PCDHA13: variants seen among roughly 807,000 people sequenced by gnomAD.
PCDHA13 encodes protocadherin alpha 13, also known as protocadherin alpha-13.
Under a neutral mutation model 64.8 loss-of-function variants are expected in PCDHA13, and 54 were observed. The observed-to-expected ratio is 0.83, with a 90% CI of 0.67 to 1.04. The LOEUF (loss-of-function observed/expected upper bound fraction) is 1.04, where lower values mean the gene tolerates loss of function less well. Ranked by LOEUF, PCDHA13 falls within the 50% of genes least tolerant of loss-of-function variation. The pLI, the probability that PCDHA13 is intolerant of heterozygous loss-of-function variation, is 0.00. For missense variants in PCDHA13, 1,248 were observed against 1,254.3 expected (o/e 0.99, Z 0.08); for synonymous variants, 587 against 564.4 (o/e 1.04, Z -0.57).
chr5:141,011,876 A>G lies in PCDHA13; in HGVS notation c.*1939A>G, dbSNP rs2098422094. ...AATTTTGTTATAATGTACAATTTAG[A>G]AGTTTGATTAATTATATTATCTATT... On this transcript the variant is annotated 3_prime_UTR_variant, in exon 4 of 4. Coordinates refer to ENST00000289272, the MANE Select transcript of PCDHA13 (RefSeq NM_018904.3). 6.5e-6 allele frequency: 1 copy of G among 153,584 alleles called. No individual in the cohort carries two copies. The highest frequency in any genetic ancestry group is 2.4e-5 in the African/African-American group (1 of 41,298). 9.5% of individuals were successfully genotyped at this position (153,584 alleles called of 1,614,324 possible).
chr5:140,885,391 T>G, intron 1 of PCDHA13, among the ~76,000 whole-genome samples: 1 of 152,112 alleles, frequency 6.6e-6, no homozygotes, highest in East Asian at 1.9e-4. Context: ...TCCCTGCAAA[T>G]CTAATGGTTT....
At chr5:140,895,912 A>G (rs1215168324) in intron 1 of PCDHA13, among the ~76,000 whole-genome samples, 1 of 152,146 alleles carries the variant, frequency 6.6e-6, no homozygotes, top group African/African-American at 2.4e-5. Context: ...CCCGGGCTCA[A>G]CAATTATCCT....
At chr5:140,894,554 G>GA (rs1204407145) in intron 1 of PCDHA13, among the ~76,000 whole-genome samples, 2 of 151,600 alleles carry the variant, frequency 1.3e-5, no homozygotes, top group Non-Finnish European at 2.9e-5. Flanking sequence ...GTTTACTTCT[G>GA]AAAAAATTAT....
chr5:140,890,528 C>T (rs1329794711), intron 1 of PCDHA13, among the ~76,000 whole-genome samples: 3 of 152,060 alleles, frequency 2.0e-5, no homozygotes, highest in South Asian at 2.1e-4. Flanking sequence ...CTTTGTTGAT[C>T]TTCTTTTGAA....
rs868916626 is a variant in PCDHA13, at chr5:140,946,629, T to C, written c.2395-32320T>C. 3.4e-3 allele frequency among the ~76,000 whole-genome samples: 415 copies of C among 123,330 alleles called. 16 individuals carry two copies. The highest frequency in any genetic ancestry group is 0.017 in the Middle Eastern group (4 of 240). The allele number at this position is 123,330 out of a possible 152,430, so 80.9% of individuals were successfully genotyped here. On this transcript the variant is annotated intron_variant, in intron 1 of 3. Coordinates refer to ENST00000289272, the MANE Select transcript of PCDHA13 (RefSeq NM_018904.3). ...AATGTGAAATATATATATATATATATATACAATGGAATACTCATCAGCCAT... is the reference window on the plus strand; with the variant it reads ...AATGTGAAATATATATATATATATACATACAATGGAATACTCATCAGCCAT...
chr5:140,893,693 T>G (rs868968555), intron 1 of PCDHA13, among the ~76,000 whole-genome samples: 43 of 152,366 alleles, frequency 2.8e-4, no homozygotes, highest in Middle Eastern at 3.4e-3. Context: ...CATCTCATTC[T>G]ATCCTAGCCT....
chr5:140,950,107 A>G (rs1196740444), intron 1 of PCDHA13, among the ~76,000 whole-genome samples: 1 of 151,920 alleles, frequency 6.6e-6, no homozygotes, highest in Non-Finnish European at 1.5e-5. Context: ...ATTAAATCTC[A>G]TACAATACAA....
intron 1 of PCDHA13, among the ~76,000 whole-genome samples, chr5:140,888,313 G>C (rs1434881975): frequency 6.6e-6 from 1 of 152,154 alleles, no homozygotes; most frequent in Non-Finnish European, 1.5e-5. Context: ...ATTTGGCAAT[G>C]CCTGGATACA....
chr5:140,919,867 G>A (rs2079334985), intron 1 of PCDHA13, among the ~76,000 whole-genome samples: 1 of 152,178 alleles, frequency 6.6e-6, no homozygotes, highest in Non-Finnish European at 1.5e-5. Context: ...TTGGAAATAA[G>A]TCTTTGAAGA....
chr5:140,990,956 G>T (rs1179435982), intron 3 of PCDHA13, among the ~76,000 whole-genome samples: 1 of 152,136 alleles, frequency 6.6e-6, no homozygotes, highest in Non-Finnish European at 1.5e-5. Context: ...TGTAGAAATA[G>T]TCTCTTAGAA....
At chr5:140,991,595 C>G (rs181014489) in intron 3 of PCDHA13, among the ~76,000 whole-genome samples, 1 of 152,328 alleles carries the variant, frequency 6.6e-6, no homozygotes, top group African/African-American at 2.4e-5. Flanking sequence ...TACCTGAGCC[C>G]TCACTGGCAG....
At chr5:140,946,629 T>TATATATATATATAC (rs1367833800) in intron 1 of PCDHA13, among the ~76,000 whole-genome samples, 1 of 123,274 alleles carries the variant, frequency 8.1e-6, no homozygotes, top group Admixed American at 8.1e-5. Flanking sequence ...TATATATATA[T>TATATATATATATAC]ATACAATGGA....
At chr5:140,930,553 A>C (rs1252554591) in intron 1 of PCDHA13, 1 of 152,562 alleles carries the variant, frequency 6.6e-6, no homozygotes, top group Non-Finnish European at 1.5e-5. Flanking sequence ...TTAGGACAAC[A>C]TTTTGAAGCA....
chr5:140,891,931 G>A (rs2063313924), intron 1 of PCDHA13, among the ~76,000 whole-genome samples: 1 of 152,168 alleles, frequency 6.6e-6, no homozygotes, highest in Non-Finnish European at 1.5e-5. Flanking sequence ...CTTGATCTTG[G>A]ACTTCCCCTA....
chr5:140,882,628 G>A lies in PCDHA13; in HGVS notation c.360G>A (p.Glu120=), dbSNP rs1554174947. 5.6e-6 allele frequency: 9 copies of A among 1,614,252 alleles called. No homozygotes were observed. Among genetic ancestry groups the A allele is most frequent in the Non-Finnish European group, 7.6e-6 (9 of 1,180,048 alleles). ...VDRPLQVFHV[E]VKVRDINDNP... is the part of the protein sequence containing the mutation. ...GGCCTCTGCAGGTTTTCCATGTGGA[G>A]GTGAAGGTGAGGGACATTAACGACA... The change falls in exon 1 of 4, where the codon GAG becomes GAA. Residue 120 remains glutamate, a synonymous_variant. Coordinates refer to ENST00000289272, the MANE Select transcript of PCDHA13 (RefSeq NM_018904.3).
At chr5:140,965,061 G>A (rs76085486) in intron 1 of PCDHA13, among the ~76,000 whole-genome samples, 2,501 of 152,286 alleles carry the variant, frequency 0.016, 68 homozygotes, top group African/African-American at 0.056. Context: ...CATGCCAAAT[G>A]TCAGGTCTCA....
intron 1 of PCDHA13, among the ~76,000 whole-genome samples, chr5:140,937,848 C>G (rs939450579): frequency 1.4e-5 from 2 of 145,938 alleles, no homozygotes; most frequent in African/African-American, 2.5e-5. Flanking sequence ...GAAGGCGGAA[C>G]TTGGAGTGAG....
At chr5:140,937,023 A>G (rs2091268625) in intron 1 of PCDHA13, among the ~76,000 whole-genome samples, 1 of 150,410 alleles carries the variant, frequency 6.6e-6, no homozygotes. Flanking sequence ...TTAACAAGGT[A>G]TATTCTTCCA....
intron 2 of PCDHA13, among the ~76,000 whole-genome samples, chr5:140,982,130 G>A (rs1298475758): frequency 6.6e-6 from 1 of 152,228 alleles, no homozygotes; most frequent in African/African-American, 2.4e-5. Context: ...TTGAGAACAA[G>A]CCCTCCTCAT....
Sources: gnomAD v4.1 joint callset for allele counts (sites outside exome capture counted in the v4.1 genomes callset) on GRCh38, gnomAD v4.1.1 for gene constraint, MANE v1.5 for transcripts, NCBI Gene and HGNC (gene_info 2026-07-23, HGNC 2026-07-21) for gene names.